The following MPP7 variants were observed in gnomAD, a reference collection of about 807,000 sequenced individuals.
MPP7 encodes MAGUK p55 scaffold protein 7, also known as MAGUK p55 subfamily member 7.
In MPP7, 60 loss-of-function variants were observed where a neutral mutation model predicts 76.5. The ratio of observed to expected loss-of-function variants is 0.78; its 90% CI spans 0.64 to 0.97. MPP7 has a LOEUF of 0.97. Ranked by LOEUF, MPP7 falls within the 50% of genes least tolerant of loss-of-function variation. The pLI, the probability that MPP7 is intolerant of heterozygous loss-of-function variation, is 0.00. For missense variants in MPP7, 641 were observed against 694.0 expected (o/e 0.92, Z 0.86); for synonymous variants, 237 against 244.5 (o/e 0.97, Z 0.29).
chr10:28,273,044 G>A (rs1211499840), intron 1 of MPP7, among the ~76,000 whole-genome samples: 1 of 152,080 alleles, frequency 6.6e-6, no homozygotes, highest in African/African-American at 2.4e-5. Context: ...AGCCTCCCCA[G>A]TAGCTGGGAT....
intron 11 of MPP7, among the ~76,000 whole-genome samples, chr10:28,102,233 C>T (rs1325647897): frequency 6.6e-6 from 1 of 152,136 alleles, no homozygotes; most frequent in Non-Finnish European, 1.5e-5. Context: ...GCCTTGAACT[C>T]CTGGCCTCAA....
intron 1 of MPP7, among the ~76,000 whole-genome samples, chr10:28,253,440 G>A (rs911552859): frequency 6.6e-6 from 1 of 152,098 alleles, no homozygotes; most frequent in Non-Finnish European, 1.5e-5. Flanking sequence ...CTCTGCAGCC[G>A]GAGAACCAGG....
chr10:28,231,520 G>C (rs1332679664), intron 2 of MPP7, among the ~76,000 whole-genome samples: 5 of 151,082 alleles, frequency 3.3e-5, no homozygotes, highest in African/African-American at 7.3e-5. Context: ...GAGAGGAAGA[G>C]AGTGCGAAAA....
chr10:28,202,384 C>G (rs11598304), intron 2 of MPP7, 113 bp from the exon 3 acceptor site: 1 of 673,694 alleles, frequency 1.5e-6, no homozygotes, highest in African/African-American at 1.8e-5. Context: ...ATTTGTATTC[C>G]GGGCCATCAA....
intron 6 of MPP7, 58 bp downstream of exon 6, chr10:28,131,502 G>A: frequency 6.9e-6 from 10 of 1,449,082 alleles, no homozygotes; most frequent in Non-Finnish European, 9.3e-6. Flanking sequence ...TACATGGTAT[G>A]CACCATCAGA....
At chr10:28,158,980 C>G (rs1423350556) in intron 3 of MPP7, among the ~76,000 whole-genome samples, 2 of 152,102 alleles carry the variant, frequency 1.3e-5, no homozygotes, top group African/African-American at 4.8e-5. Context: ...AAAAGGAGAA[C>G]ACACTATCCC....
intron 12 of MPP7, among the ~76,000 whole-genome samples, chr10:28,083,633 G>A (rs939094843): frequency 1.4e-5 from 2 of 147,746 alleles, no homozygotes; most frequent in Non-Finnish European, 3.0e-5. Flanking sequence ...TGCCTCCTGG[G>A]TTCAAGTGAG....
chr10:28,297,204 G>A (rs968738974), intron 1 of MPP7, among the ~76,000 whole-genome samples: 1 of 152,182 alleles, frequency 6.6e-6, no homozygotes, highest in African/African-American at 2.4e-5. Flanking sequence ...ACAGTATACT[G>A]TAGTCTATTA....
intron 1 of MPP7, among the ~76,000 whole-genome samples, chr10:28,275,380 T>G (rs995769627): frequency 2.0e-5 from 3 of 151,576 alleles, no homozygotes; most frequent in African/African-American, 7.3e-5. Context: ...CATCCAATAA[T>G]CACTGTGTCC....
chr10:28,233,734 AAGAG>A (rs1335271126), intron 2 of MPP7, among the ~76,000 whole-genome samples: 2 of 148,716 alleles, frequency 1.3e-5, no homozygotes, highest in Non-Finnish European at 3.0e-5. Context: ...AAAAAAAAAA[AAGAG>A]AGAAACAACA....
At chr10:28,273,664 A>C (rs553883728) in intron 1 of MPP7, among the ~76,000 whole-genome samples, 19 of 152,356 alleles carry the variant, frequency 1.2e-4, no homozygotes, top group African/African-American at 4.1e-4. Flanking sequence ...GGCAAATTGC[A>C]TCAAGAGGAC....
At chr10:28,247,907 T>C (rs1839489778) in intron 1 of MPP7, among the ~76,000 whole-genome samples, 1 of 152,220 alleles carries the variant, frequency 6.6e-6, no homozygotes, top group Admixed American at 6.5e-5. Flanking sequence ...ATTTTTATAC[T>C]TCATGAATAT....
At chr10:28,270,542 G>GGC (rs1456202729) in intron 1 of MPP7, among the ~76,000 whole-genome samples, 3 of 127,134 alleles carry the variant, frequency 2.4e-5, no homozygotes, top group East Asian at 2.8e-4. Flanking sequence ...AGGGGGGGGG[G>GGC]GAGGAGGGGA....
intron 3 of MPP7, among the ~76,000 whole-genome samples, chr10:28,196,479 CG>C (rs1361553147): frequency 0.069 from 935 of 13,632 alleles, 10 homozygotes; most frequent in African/African-American, 0.15. Flanking sequence ...GACTCCATCT[CG>C]AAAAAAAAAA....
At chr10:28,183,761 G>A (rs1837137177) in intron 3 of MPP7, among the ~76,000 whole-genome samples, 1 of 152,204 alleles carries the variant, frequency 6.6e-6, no homozygotes, top group Non-Finnish European at 1.5e-5. Context: ...CAGCACTCCA[G>A]GCTGGATAAC....
intron 3 of MPP7, among the ~76,000 whole-genome samples, chr10:28,188,436 C>A (rs561599470): frequency 1.1e-4 from 17 of 152,218 alleles, no homozygotes; most frequent in African/African-American, 3.6e-4. Context: ...TATCATGGCA[C>A]TTCCAAGTCG....
chr10:28,256,414 C>G (rs191557699), intron 1 of MPP7, among the ~76,000 whole-genome samples: 31 of 151,088 alleles, frequency 2.1e-4, no homozygotes, highest in Admixed American at 1.5e-3. Context: ...AATACTCCAG[C>G]CAAGATTCTA....
chr10:28,288,520 A>T (rs3939436), intron 1 of MPP7, among the ~76,000 whole-genome samples: 24,222 of 152,136 alleles, frequency 0.16, 2,678 homozygotes, highest in East Asian at 0.53. Flanking sequence ...GGATTGCAGG[A>T]ATGAGCCACC....
At chr10:28,123,456 TAA>T (rs1264189770) in intron 8 of MPP7, among the ~76,000 whole-genome samples, 2 of 146,278 alleles carry the variant, frequency 1.4e-5, no homozygotes, top group African/African-American at 5.0e-5. Flanking sequence ...GGACAGGTAC[TAA>T]ATTCTTTTTT....
Sources: gnomAD v4.1 joint callset for allele counts (sites outside exome capture counted in the v4.1 genomes callset) on GRCh38, gnomAD v4.1.1 for gene constraint, MANE v1.5 for transcripts, NCBI Gene and HGNC (gene_info 2026-07-23, HGNC 2026-07-21) for gene names.